The following KCNK13 variants were observed in gnomAD, a reference collection of about 807,000 sequenced individuals.
The protein encoded by KCNK13 is potassium channel subfamily K member 13.
KCNK13 carries 12 observed loss-of-function variants against 23.4 expected under a neutral mutation model. That is an observed-to-expected ratio of 0.51 (90% CI 0.33 to 0.83). The LOEUF (loss-of-function observed/expected upper bound fraction) is 0.83. KCNK13 is among the 40% of genes least tolerant of loss of function. The pLI, the probability that KCNK13 is intolerant of heterozygous loss-of-function variation, is 0.02. For synonymous variants in KCNK13, 231 were observed against 229.5 expected, an observed-to-expected ratio of 1.01 and a Z score of -0.06; for missense variants, 463 against 556.3, an observed-to-expected ratio of 0.83 and a Z score of 1.69.
At chr14:90,169,087 C>T (rs4904638) in intron 1 of KCNK13, among the ~76,000 whole-genome samples, 5 of 151,870 alleles carry the variant, frequency 3.3e-5, no homozygotes, top group Non-Finnish European at 5.9e-5. Context: ...TTATTAGCAG[C>T]GTGAGAACAG....
chr14:90,127,058 G>T (rs1889809518), intron 1 of KCNK13, among the ~76,000 whole-genome samples: 1 of 152,080 alleles, frequency 6.6e-6, no homozygotes. Context: ...AATAAAGGAA[G>T]TCTGAATAAA....
Position 90,071,647 on chromosome 14 carries a change from G to A in KCNK13, c.334+9108G>A, listed in dbSNP as rs1889075440. Among the ~76,000 whole-genome samples, 3 of 152,156 alleles carry A rather than the reference G, an allele frequency of 2.0e-5. No individual in the cohort carries two copies. The South Asian group carries it at 6.2e-4, about 32-fold the overall frequency. On this transcript the variant is annotated intron_variant, in intron 1 of 1. Transcript: ENST00000282146. Reference sequence around the variant, plus strand: ...AACAATCTTTTCCCCTTAGAAGGAAGGAGAGAATTGGGAGGCCAAGGTGGG... The same window carrying A: ...AACAATCTTTTCCCCTTAGAAGGAAAGAGAGAATTGGGAGGCCAAGGTGGG...
At position 90,184,940 on chromosome 14, in the gene KCNK13, AG is replaced by A. The variant is rs766469179; in HGVS notation, c.1171del (p.Val391TrpfsTer7). The part of the protein sequence containing the change: ...STLARDNEFS[G>X]GVGAFAIMNN... The stretch of plus-strand genomic sequence containing the variant: ...CACTGGCCCGGGACAATGAATTCTC[AG>A]GGGGGGTGGGAGCCTTTGCAATCAT... On this transcript the variant is annotated frameshift_variant, in exon 2 of 2. Transcript: ENST00000282146. LOFTEE classifies it high-confidence loss of function. This position sits in a 1 kb window ranked among gnomAD's most constrained non-coding sequence, Gnocchi z 5.6. The A allele has an allele frequency of 3.1e-6, 5 of 1,611,160 alleles. No individual in the cohort carries two copies. The highest frequency in any genetic ancestry group is 2.7e-5 in the African/African-American group (2 of 74,820).
chr14:90,166,987 C>G (rs1411912332), intron 1 of KCNK13, among the ~76,000 whole-genome samples: 4 of 152,202 alleles, frequency 2.6e-5, no homozygotes, highest in Non-Finnish European at 2.9e-5. Flanking sequence ...AGGTTATTAA[C>G]TGGGTCTGCA....
Position 90,068,785 on chromosome 14 carries a change from G to A in KCNK13, c.334+6246G>A, listed in dbSNP as rs540942313. Reference sequence around the variant, plus strand: ...CTAGGACAAGCCCTCCCATGCTTTAGAACATAGACAAACTGGTGGCCAGGC... The same window carrying A: ...CTAGGACAAGCCCTCCCATGCTTTAAAACATAGACAAACTGGTGGCCAGGC... On this transcript the variant is annotated intron_variant, in intron 1 of 1. Transcript: ENST00000282146. Among the ~76,000 whole-genome samples the A allele has an allele frequency of 6.0e-4, 91 of 152,172 alleles. 1 individual carries two copies. The highest frequency in any genetic ancestry group is 2.2e-3 in the African/African-American group (90 of 41,524).
chr14:90,135,907 T>C (rs1240664214), intron 1 of KCNK13, among the ~76,000 whole-genome samples: 1 of 151,892 alleles, frequency 6.6e-6, no homozygotes, highest in Admixed American at 6.6e-5. Flanking sequence ...CTTCAACAGA[T>C]GAGAACATGC....
intron 1 of KCNK13, chr14:90,107,562 T>C (rs958366524): frequency 8.8e-6 from 4 of 452,324 alleles, no homozygotes; most frequent in African/African-American, 3.9e-5. Context: ...AACATTACGA[T>C]TGTGCAAAAG....
At chr14:90,107,419 G>A (rs576373014) in intron 1 of KCNK13, among the ~76,000 whole-genome samples, 60 of 152,004 alleles carry the variant, frequency 3.9e-4, no homozygotes, top group Non-Finnish European at 6.8e-4. Context: ...CAGAACTTAC[G>A]GTGAGCCGAG....
Position 90,177,548 on chromosome 14 carries a change from C to T in KCNK13, c.335-6563C>T, listed in dbSNP as rs550419877. Among the ~76,000 whole-genome samples, 152 of 152,156 alleles carry T rather than the reference C, an allele frequency of 1.0e-3. 11 individuals are homozygous for T. Among genetic ancestry groups the T allele is most frequent in the Middle Eastern group, 3.4e-3 (1 of 294 alleles). ...TTTCCTCTTATAGATAATTGGTTTT[C>T]GGAGTATGCATGTAACTTGGGCTGG... On this transcript the variant is annotated intron_variant, in intron 1 of 1. Transcript: ENST00000282146.
intron 1 of KCNK13, among the ~76,000 whole-genome samples, chr14:90,085,754 TTATATATTATATAAATTA>T (rs1318491613): frequency 6.8e-5 from 9 of 132,730 alleles, no homozygotes; most frequent in Non-Finnish European, 1.1e-4. Flanking sequence ...TAATTATATA[TTATATATTATATAAATTA>T]TATATATTAT....
Position 90,071,902 on chromosome 14 carries a change from A to C in KCNK13, c.334+9363A>C, listed in dbSNP as rs535071140. On this transcript the variant is annotated intron_variant, in intron 1 of 1. Transcript: ENST00000282146. ...GACAGAGTGAGACTCCATCTCAAAA[A>C]AAAAAAAGAGGGAAGGAGAGAAGAG... is the stretch of plus-strand genomic sequence containing the variant. Among the ~76,000 whole-genome samples, 331 of 152,192 alleles carry C rather than the reference A, an allele frequency of 2.2e-3. 1 individual carries two copies. Among genetic ancestry groups the C allele is most frequent in the African/African-American group, 7.3e-3 (302 of 41,542 alleles).
rs527890356 is a variant in KCNK13 at position 90,114,763 on chromosome 14, C to T, written c.334+52224C>T. ...TCTCCGGGTGTTCCTGTGCATCATCCTTGAGAGTGAGACCTAGGTTGTTGG... is the reference window on the plus strand; with the variant it reads ...TCTCCGGGTGTTCCTGTGCATCATCTTTGAGAGTGAGACCTAGGTTGTTGG... On this transcript the variant is annotated intron_variant, in intron 1 of 1. Transcript: ENST00000282146. 4.6e-5 allele frequency among the ~76,000 whole-genome samples: 7 copies of T among 152,288 alleles called. No individual in the cohort carries two copies. The South Asian group carries it at 1.5e-3, about 32-fold the overall frequency.
intron 1 of KCNK13, among the ~76,000 whole-genome samples, chr14:90,119,163 C>T (rs764801865): frequency 6.6e-6 from 1 of 151,406 alleles, no homozygotes; most frequent in African/African-American, 2.4e-5. Context: ...GCCTACCAAC[C>T]AAAAAAAAGC....
At chr14:90,171,858 A>G (rs923604539) in intron 1 of KCNK13, among the ~76,000 whole-genome samples, 2 of 152,194 alleles carry the variant, frequency 1.3e-5, no homozygotes, top group African/African-American at 4.8e-5. Context: ...CCTTTAGCTT[A>G]GTGATTTGGG....
intron 1 of KCNK13, among the ~76,000 whole-genome samples, chr14:90,089,205 G>A (rs1398208988): frequency 6.6e-6 from 1 of 152,208 alleles, no homozygotes; most frequent in Admixed American, 6.5e-5. Context: ...ACTTCCTAGA[G>A]ACTTGTTGAA....
chr14:90,164,678 C>G (rs1313265972), intron 1 of KCNK13, among the ~76,000 whole-genome samples: 1 of 152,168 alleles, frequency 6.6e-6, no homozygotes, highest in African/African-American at 2.4e-5. Context: ...GAGCTACAGA[C>G]TGAAAGAACA....
intron 1 of KCNK13, among the ~76,000 whole-genome samples, chr14:90,170,134 A>G (rs557823059): frequency 6.6e-6 from 1 of 152,286 alleles, no homozygotes; most frequent in African/African-American, 2.4e-5. Flanking sequence ...TGAGAAGTAA[A>G]TCATCCAAGC....
chr14:90,071,693 T>A (rs1889076313), intron 1 of KCNK13, among the ~76,000 whole-genome samples: 1 of 152,016 alleles, frequency 6.6e-6, no homozygotes, highest in African/African-American at 2.4e-5. Flanking sequence ...GGTCAGGAGA[T>A]CAAGACCATT....
intron 1 of KCNK13, among the ~76,000 whole-genome samples, chr14:90,096,045 G>A (rs1889406269): frequency 6.6e-6 from 1 of 152,210 alleles, no homozygotes; most frequent in Non-Finnish European, 1.5e-5. Flanking sequence ...ACACCTATAG[G>A]AAGAGGTGTG....
Sources: allele counts gnomAD v4.1 joint callset (sites outside exome capture counted in the v4.1 genomes callset), GRCh38; gene constraint gnomAD v4.1.1; non-coding constraint Gnocchi (gnomAD v3.1); transcripts MANE v1.5; gene names NCBI Gene and HGNC (gene_info 2026-07-23, HGNC 2026-07-21).